The following EFL1 variants were observed in gnomAD, a reference collection of about 807,000 sequenced individuals.
EFL1 encodes the protein elongation factor-like GTPase 1.
In EFL1, 76 loss-of-function variants were observed where a neutral mutation model predicts 126.7. The ratio of observed to expected loss-of-function variants is 0.60; its 90% confidence interval spans 0.50 to 0.73. The LOEUF is 0.73. Among genes scored for constraint, EFL1 ranks in the 30% least tolerant of loss-of-function variants. The probability of loss-of-function intolerance (pLI) is 0.00; values close to 1 mark genes in which losing one functional copy is unlikely to be tolerated. For synonymous variants in EFL1, 410 were observed against 448.4 expected, an observed-to-expected ratio of 0.91 and a Z score of 1.08; for missense variants, 1,128 against 1,343.2, an observed-to-expected ratio of 0.84 and a Z score of 2.50.
chr15:82,149,354 G>A (rs890906224), intron 18 of EFL1, among the ~76,000 whole-genome samples: 3 of 152,028 alleles, frequency 2.0e-5, no homozygotes, highest in Non-Finnish European at 4.4e-5. Flanking sequence ...CCAAAAATTT[G>A]GATTCTGCTT....
chr15:82,192,722 AG>A (rs1440686852), intron 15 of EFL1, among the ~76,000 whole-genome samples: 4 of 152,218 alleles, frequency 2.6e-5, no homozygotes, highest in Non-Finnish European at 1.5e-5. Context: ...GAAATTGCCC[AG>A]GGACAGAGAT....
At chr15:82,134,508 C>T (rs1180016184) in intron 19 of EFL1, among the ~76,000 whole-genome samples, 1 of 152,134 alleles carries the variant, frequency 6.6e-6, no homozygotes, top group African/African-American at 2.4e-5. Context: ...TTACCCTAGG[C>T]ATTAAGGGAA....
At chr15:82,216,536 C>A (rs1326495370) in intron 14 of EFL1, among the ~76,000 whole-genome samples, 1 of 151,974 alleles carries the variant, frequency 6.6e-6, no homozygotes, top group Non-Finnish European at 1.5e-5. Flanking sequence ...TAAAATTAGT[C>A]CAGAAACAGA....
At chr15:82,220,473 T>C (rs955261714) in intron 12 of EFL1, among the ~76,000 whole-genome samples, 16 of 152,166 alleles carry the variant, frequency 1.1e-4, no homozygotes, top group Admixed American at 9.2e-4. Flanking sequence ...TCTGGAGCAA[T>C]GTACAATAGT....
In EFL1 at chr15:82,229,042, A is replaced by G. The variant is rs1433265540; in HGVS notation, c.924T>C (p.Val308=). The change falls in exon 9 of 20, where the codon GTT becomes GTC. Residue 308 remains valine (V), a synonymous_variant. Coordinates refer to ENST00000268206, the MANE Select transcript of EFL1 (RefSeq NM_024580.6). The stretch of plus-strand genomic sequence containing the variant: ...AACAATAAGAGTCTTACTTTTTCAA[A>G]ACAGCATCATACAAACTCCATATAT... ...LENIWSLYDA[V]LKKDKDKIDK... is the part of the protein sequence containing the mutation. 4 of 1,611,310 alleles carry G rather than the reference A, an allele frequency of 2.5e-6. No homozygotes were observed. The highest frequency in any genetic ancestry group is 3.4e-6 in the Non-Finnish European group (4 of 1,179,054).
chr15:82,191,003 T>G (rs1363236358), intron 15 of EFL1, among the ~76,000 whole-genome samples: 1 of 152,076 alleles, frequency 6.6e-6, no homozygotes, highest in Non-Finnish European at 1.5e-5. Flanking sequence ...TTTTTCCATC[T>G]TATTGGTATC....
At chr15:82,179,377 T>G (rs1226285977) in intron 15 of EFL1, among the ~76,000 whole-genome samples, 1 of 152,180 alleles carries the variant, frequency 6.6e-6, no homozygotes, top group Non-Finnish European at 1.5e-5. Context: ...GTTTTATAGT[T>G]TGCTTGTAAA....
intron 15 of EFL1, among the ~76,000 whole-genome samples, chr15:82,173,369 A>C (rs1416278963): frequency 6.6e-6 from 1 of 152,220 alleles, no homozygotes; most frequent in Admixed American, 6.5e-5. Flanking sequence ...GCAAGTTTCA[A>C]GAAGTGGTAC....
chr15:82,137,697 C>T (rs962695949), intron 19 of EFL1, among the ~76,000 whole-genome samples: 1 of 152,218 alleles, frequency 6.6e-6, no homozygotes, highest in Admixed American at 6.5e-5. Flanking sequence ...ATTTCAATTC[C>T]CTGTAAACAA....
intron 18 of EFL1, among the ~76,000 whole-genome samples, chr15:82,139,567 T>A (rs1392405683): frequency 6.6e-6 from 1 of 152,220 alleles, no homozygotes; most frequent in African/African-American, 2.4e-5. Flanking sequence ...GTGTTCTGTA[T>A]GAGTGTCTCT....
intron 15 of EFL1, among the ~76,000 whole-genome samples, chr15:82,186,803 T>C (rs1354860640): frequency 1.3e-5 from 2 of 152,158 alleles, no homozygotes; most frequent in African/African-American, 2.4e-5. Flanking sequence ...CTGTTTCTAG[T>C]CTAGAACCTT....
chr15:82,197,054 G>A (rs2074416134), intron 15 of EFL1, among the ~76,000 whole-genome samples: 1 of 151,616 alleles, frequency 6.6e-6, no homozygotes, highest in South Asian at 2.1e-4. Context: ...AAAAAATTGT[G>A]GCATCATTGT....
chr15:82,171,291 A>G (rs1404630319), intron 15 of EFL1, among the ~76,000 whole-genome samples: 1 of 152,174 alleles, frequency 6.6e-6, no homozygotes, highest in African/African-American at 2.4e-5. Context: ...GTCAGTTCAT[A>G]ACTCTCTTCT....
chr15:82,165,290 A>T (rs1201973423), intron 15 of EFL1, among the ~76,000 whole-genome samples: 1 of 152,174 alleles, frequency 6.6e-6, no homozygotes, highest in Non-Finnish European at 1.5e-5. Flanking sequence ...AAAGAGAGAG[A>T]GCGAGAGAAA....
chr15:82,225,072 C>G, intron 12 of EFL1, 93 bp downstream of exon 12: 2 of 861,708 alleles, frequency 2.3e-6, no homozygotes, highest in Non-Finnish European at 3.5e-6. Flanking sequence ...GGAGGAAAAG[C>G]ATTATCCGTG....
At chr15:82,158,897 A>T (rs992035268) in intron 16 of EFL1, among the ~76,000 whole-genome samples, 7 of 152,240 alleles carry the variant, frequency 4.6e-5, no homozygotes, top group Non-Finnish European at 1.5e-5. Flanking sequence ...TTTATAGATG[A>T]GGAAACAGGT....
intron 2 of EFL1, among the ~76,000 whole-genome samples, chr15:82,261,378 C>G (rs2075115417): frequency 6.6e-6 from 1 of 152,184 alleles, no homozygotes; most frequent in Non-Finnish European, 1.5e-5. Flanking sequence ...ACCACAGACT[C>G]TAAGGACATT....
Position 82,130,236 on chromosome 15 carries a change from A to T in EFL1, c.*137T>A. The T allele has an allele frequency of 1.0e-6, 1 of 999,656 alleles. No homozygotes were observed. Among genetic ancestry groups the T allele is most frequent in the Non-Finnish European group, 1.4e-6 (1 of 701,224 alleles). 61.9% of individuals were successfully genotyped at this position (999,656 alleles called of 1,614,324 possible). ...AAACATGTTCTCTAACATCCTCTTT[A>T]AAATATTTATATGGATCAACTTTAT... On this transcript the variant is annotated 3_prime_UTR_variant, in exon 20 of 20. Coordinates refer to ENST00000268206, the MANE Select transcript of EFL1 (RefSeq NM_024580.6).
intron 15 of EFL1, among the ~76,000 whole-genome samples, chr15:82,188,483 A>G (rs2074324725): frequency 6.6e-6 from 1 of 152,148 alleles, no homozygotes; most frequent in Admixed American, 6.5e-5. Context: ...AGTGCCTTAA[A>G]GAAAATCTAA....
Sources: gnomAD v4.1 joint callset for allele counts (sites outside exome capture counted in the v4.1 genomes callset) on GRCh38, gnomAD v4.1.1 for gene constraint, MANE v1.5 for transcripts, NCBI Gene and HGNC (gene_info 2026-07-23, HGNC 2026-07-21) for gene names.